The following RXRA variants were observed in gnomAD, a reference collection of about 807,000 sequenced individuals.
RXRA encodes the protein retinoid X receptor alpha.
A neutral mutation model predicts 44.5 loss-of-function variants in RXRA; 5 were observed. That is an observed-to-expected ratio of 0.11 (90% confidence interval 0.06 to 0.24). The LOEUF (loss-of-function observed/expected upper bound fraction) is 0.24, where lower values mean the gene tolerates loss of function less well. Ranked by LOEUF, RXRA falls within the 10% of genes least tolerant of loss-of-function variation. The pLI is 1.00. For synonymous variants in RXRA, 291 were observed against 271.4 expected (o/e 1.07, Z -0.71); for missense variants, 412 against 646.5 (o/e 0.64, Z 3.93).
At chr9:134,348,086 A>C (rs1554749044) in intron 1 of RXRA, among the ~76,000 whole-genome samples, 1 of 152,068 alleles carries the variant, frequency 6.6e-6, no homozygotes, top group Non-Finnish European at 1.5e-5. Context: ...GCTTGGGGTG[A>C]CCATGTGGTT....
At chr9:134,389,018 T>C (rs1277392547) in intron 1 of RXRA, among the ~76,000 whole-genome samples, 2 of 152,020 alleles carry the variant, frequency 1.3e-5, no homozygotes, top group African/African-American at 2.4e-5. Flanking sequence ...CAGGGTGGCC[T>C]CAGGCCTGTG....
intron 1 of RXRA, among the ~76,000 whole-genome samples, chr9:134,348,532 C>A (rs1164209459): frequency 1.3e-5 from 2 of 152,172 alleles, no homozygotes; most frequent in Non-Finnish European, 2.9e-5. Context: ...CAGTCACGGG[C>A]AGAATGTTGA....
chr9:134,381,394 G>A (rs1483374280), intron 1 of RXRA, among the ~76,000 whole-genome samples: 1 of 152,124 alleles, frequency 6.6e-6, no homozygotes, highest in Non-Finnish European at 1.5e-5. Context: ...TCTCAGGGCC[G>A]TCTCTCAGGG....
chr9:134,386,815 C>T (rs1363395563), intron 1 of RXRA, among the ~76,000 whole-genome samples: 1 of 152,160 alleles, frequency 6.6e-6, no homozygotes, highest in Non-Finnish European at 1.5e-5. Context: ...GGGCTCTGGG[C>T]AAGGGTGGGA....
At chr9:134,371,640 G>C (rs1830492210) in intron 1 of RXRA, among the ~76,000 whole-genome samples, 1 of 152,248 alleles carries the variant, frequency 6.6e-6, no homozygotes, top group East Asian at 1.9e-4. Flanking sequence ...CTCTTGGGCC[G>C]GTGCCTCTGG....
rs1000227175 is a variant in RXRA at position 134,366,763 on chromosome 9, T to C, written c.29-34869T>C. 6.6e-6 allele frequency among the ~76,000 whole-genome samples: 1 copy of C among 152,156 alleles called. No homozygotes were observed. The highest frequency in any genetic ancestry group is 2.4e-5 in the African/African-American group (1 of 41,450). The stretch of plus-strand genomic sequence containing the variant: ...TAGACTCTCCACGGAAAAGGAAGCC[T>C]GGCACCCCCCATGTTTCACGTAGGC... On this transcript the variant is annotated intron_variant, in intron 1 of 9. Transcript: ENST00000481739. The surrounding 1 kb of genome is among the most constrained non-coding windows in gnomAD (Gnocchi z 5.9).
intron 7 of RXRA, among the ~76,000 whole-genome samples, chr9:134,431,599 T>A (rs1284204196): frequency 1.3e-5 from 2 of 152,184 alleles, no homozygotes; most frequent in African/African-American, 4.8e-5. Context: ...CACCTCAGTT[T>A]AGCTGTCACG....
At chr9:134,396,462 A>G (rs955859846) in intron 1 of RXRA, among the ~76,000 whole-genome samples, 11 of 152,122 alleles carry the variant, frequency 7.2e-5, no homozygotes, top group African/African-American at 2.7e-4. Flanking sequence ...TGGGTGATCC[A>G]GGAAGCTCTG....
intron 6 of RXRA, chr9:134,422,416 C>T: frequency 7.9e-7 from 1 of 1,271,394 alleles, no homozygotes; most frequent in Non-Finnish European, 1.0e-6. Context: ...TGACATTCCA[C>T]TCTCCCTGGA....
intron 8 of RXRA, among the ~76,000 whole-genome samples, chr9:134,432,529 G>A (rs35315770): frequency 1.3e-3 from 202 of 152,384 alleles, no homozygotes; most frequent in African/African-American, 4.6e-3. Context: ...CTGGCCGACA[G>A]TGCGGCCCTT....
intron 1 of RXRA, among the ~76,000 whole-genome samples, chr9:134,341,653 C>T (rs1412567029): frequency 4.6e-5 from 7 of 152,200 alleles, no homozygotes; most frequent in African/African-American, 9.7e-5. Context: ...GCAGCTTGGC[C>T]GGCACACACC....
At chr9:134,414,368 G>T (rs967315377) in intron 4 of RXRA, among the ~76,000 whole-genome samples, 2 of 152,242 alleles carry the variant, frequency 1.3e-5, no homozygotes, top group African/African-American at 4.8e-5. Context: ...ACCGGGCCGG[G>T]CTGGCGCGTG....
intron 6 of RXRA, chr9:134,422,676 CGGGACACTCCCCCGTCCT>C (rs1831367956): frequency 1.0e-6 from 1 of 984,912 alleles, no homozygotes; most frequent in African/African-American, 1.7e-5. Context: ...TCCCCACTCC[CGGGACACTCCCCCGTCCT>C]GGGACCTCCT....
Position 134,433,101 on chromosome 9 carries a change from A to T in RXRA, c.1136-1001A>T, listed in dbSNP as rs1287574734. On this transcript the variant is annotated intron_variant, in intron 8 of 9. Coordinates refer to ENST00000481739, the MANE Select transcript of RXRA (RefSeq NM_002957.6). This position sits in a 1 kb window ranked among gnomAD's most constrained non-coding sequence, Gnocchi z 4.2. ...ACCTTCTGACCTTGCCCTTTGTCAG[A>T]CCTGGCTCTGAGGGACCGGGCCGGG... is the stretch of plus-strand genomic sequence containing the variant. Among the ~76,000 whole-genome samples the T allele has an allele frequency of 1.3e-5, 2 of 151,910 alleles. No homozygotes were observed. The highest frequency in any genetic ancestry group is 4.8e-5 in the African/African-American group (2 of 41,326).
intron 1 of RXRA, among the ~76,000 whole-genome samples, chr9:134,367,380 C>T (rs541406322): frequency 6.6e-6 from 1 of 152,260 alleles, no homozygotes; most frequent in East Asian, 1.9e-4. Context: ...CTCCCCGGAG[C>T]CCACCCTTCC....
chr9:134,399,813 C>T (rs1830931991), intron 1 of RXRA, among the ~76,000 whole-genome samples: 1 of 152,230 alleles, frequency 6.6e-6, no homozygotes, highest in South Asian at 2.1e-4. Context: ...TAGTGGCAGC[C>T]AGGCCCCTGC....
chr9:134,370,270 C>T (rs11185661), intron 1 of RXRA, among the ~76,000 whole-genome samples: 39,357 of 151,900 alleles, frequency 0.26, 5,278 homozygotes, highest in African/African-American at 0.33. Context: ...CTGGCTCCGC[C>T]GCTGCTGGGC....
At chr9:134,425,724 A>G in intron 6 of RXRA, 19 of 985,314 alleles carry the variant, frequency 1.9e-5, no homozygotes, top group Non-Finnish European at 2.3e-5. Flanking sequence ...TGGCCCCAGA[A>G]CACAGGGTAA....
chr9:134,361,676 A>T (rs1830354114), intron 1 of RXRA, among the ~76,000 whole-genome samples: 1 of 152,162 alleles, frequency 6.6e-6, no homozygotes, highest in Non-Finnish European at 1.5e-5. Flanking sequence ...ATTGCCGAAC[A>T]AGCACCTAAT....
Sources: gnomAD v4.1 joint callset for allele counts (sites outside exome capture counted in the v4.1 genomes callset) on GRCh38, gnomAD v4.1.1 for gene constraint, Gnocchi (gnomAD v3.1) non-coding constraint, MANE v1.5 for transcripts, NCBI Gene and HGNC (gene_info 2026-07-23, HGNC 2026-07-21) for gene names.